CHD5: variants seen among roughly 807,000 people sequenced by gnomAD.
CHD5 encodes ATP-dependent chromatin remodeler CHD5.
In CHD5, 69 loss-of-function variants were observed where a neutral mutation model predicts 230.3. The observed-to-expected ratio is 0.30, with a 90% CI of 0.25 to 0.37. The LOEUF (loss-of-function observed/expected upper bound fraction) is 0.37, where lower values mean the gene tolerates loss of function less well. CHD5 is among the 10% of genes least tolerant of loss of function. CHD5 has a pLI of 1.00. For missense variants in CHD5, 1,827 were observed against 2,622.8 expected (o/e 0.70, Z 6.63); for synonymous variants, 1,064 against 1,065.9 (o/e 1.00, Z 0.03).
Position 6,102,612 on chromosome 1 carries a change from TGACAG to T in CHD5, c.*2857_*2861del, listed in dbSNP as rs1666084399. On this transcript the variant is annotated 3_prime_UTR_variant, in exon 42 of 42. Coordinates refer to ENST00000262450, the MANE Select transcript of CHD5 (RefSeq NM_015557.3). ...TCCTTGGGCCTCAAGTGTCCTGGGA[TGACAG>T]GAGTGAGGGCTGCAGGTGTCACCGG... The T allele has an allele frequency of 6.6e-6, 1 of 152,242 alleles. No homozygotes were observed. Among genetic ancestry groups the T allele is most frequent in the African/African-American group, 2.4e-5 (1 of 41,464 alleles). The allele number at this position is 152,242 out of a possible 1,614,324, so 9.4% of individuals were successfully genotyped here.
Position 6,134,334 on chromosome 1 carries a change from G to A in CHD5, c.3013-75C>T, listed in dbSNP as rs2100850714. 1 of 1,551,036 alleles carries A rather than the reference G, an allele frequency of 6.4e-7. No individual in the cohort carries two copies. Among genetic ancestry groups the A allele is most frequent in the African/African-American group, 1.4e-5 (1 of 73,722 alleles). The stretch of plus-strand genomic sequence containing the variant: ...TGACTCTGCACCAAAGGGGCCGCAG[G>A]GAACAGACAAGTGCTGAGCAATGGG... On this transcript the variant is annotated intron_variant, in intron 19 of 41. Transcript: ENST00000262450. The surrounding 1 kb of genome is among the most constrained non-coding windows in gnomAD (Gnocchi z 6.3).
chr1:6,164,632 T>C (rs1011174067), intron 2 of CHD5, among the ~76,000 whole-genome samples: 4 of 152,152 alleles, frequency 2.6e-5, no homozygotes, highest in Admixed American at 6.5e-5. Context: ...TGAAATTCCC[T>C]TGTCTTTATC....
intron 33 of CHD5, among the ~76,000 whole-genome samples, chr1:6,118,374 G>A (rs1269660228): frequency 1.0e-5 from 1 of 100,438 alleles, no homozygotes; most frequent in East Asian, 3.1e-4. Flanking sequence ...GCAAGACCCT[G>A]TCTCAAAAAA....
intron 31 of CHD5, among the ~76,000 whole-genome samples, chr1:6,122,826 T>C (rs576008399): frequency 1.1e-3 from 168 of 152,218 alleles, no homozygotes; most frequent in African/African-American, 3.5e-3. Context: ...TCCCAGCACG[T>C]TGGGAGGCCG....
At chr1:6,141,512 G>A (rs1435548328) in intron 15 of CHD5, among the ~76,000 whole-genome samples, 1 of 151,390 alleles carries the variant, frequency 6.6e-6, no homozygotes, top group African/African-American at 2.4e-5. Context: ...CTACTCACGA[G>A]GCTGAGGTGG....
intron 11 of CHD5, among the ~76,000 whole-genome samples, chr1:6,145,456 C>T (rs1364813812): frequency 2.6e-5 from 4 of 152,234 alleles, no homozygotes; most frequent in African/African-American, 9.6e-5. Context: ...GGGCCCCACC[C>T]CAAGGCCCAT....
intron 33 of CHD5, among the ~76,000 whole-genome samples, chr1:6,118,563 G>T (rs536028278): frequency 6.0e-4 from 91 of 152,252 alleles, no homozygotes; most frequent in African/African-American, 2.1e-3. Context: ...GGGCTGGGAG[G>T]AAGAGGAAGA....
At chr1:6,113,992 G>A (rs1407261335) in intron 33 of CHD5, among the ~76,000 whole-genome samples, 2 of 152,226 alleles carry the variant, frequency 1.3e-5, no homozygotes, top group Non-Finnish European at 2.9e-5. Flanking sequence ...GCTCACGCCT[G>A]TAATCCTAGC....
chr1:6,168,738 G>A (rs1667291282), intron 1 of CHD5, among the ~76,000 whole-genome samples: 1 of 152,178 alleles, frequency 6.6e-6, no homozygotes, highest in African/African-American at 2.4e-5. Flanking sequence ...TGCTGGACCT[G>A]CCAGGCACAG....
At position 6,131,484 on chromosome 1, in the gene CHD5, A is replaced by G. The variant is rs1666657037; in HGVS notation, c.3262+147T>C. 3.6e-6 allele frequency: 2 copies of G among 554,720 alleles called. No individual in the cohort carries two copies. The highest frequency in any genetic ancestry group is 3.0e-5 in the Admixed American group (1 of 33,702). The allele number at this position is 554,720 out of a possible 1,614,324, so 34.4% of individuals were successfully genotyped here. A position where few individuals can be genotyped will look rare whatever the true frequency, so the allele number is the denominator to read the frequency against. ...ATTCCATGGGAGGAATCCTTTTAAC[A>G]TTGGAAACTCGGACTGGCCTGCTGT... On this transcript the variant is annotated intron_variant, in intron 21 of 41. Coordinates refer to ENST00000262450, the MANE Select transcript of CHD5 (RefSeq NM_015557.3). This position sits in a 1 kb window ranked among gnomAD's most constrained non-coding sequence, Gnocchi z 5.0.
At chr1:6,144,538 C>G (rs1259686426) in intron 11 of CHD5, among the ~76,000 whole-genome samples, 3 of 152,368 alleles carry the variant, frequency 2.0e-5, no homozygotes, top group African/African-American at 7.2e-5. Flanking sequence ...ACTCAGTTTT[C>G]TAACTTAAAA....
chr1:6,140,100 G>C (rs1666804818), intron 15 of CHD5, among the ~76,000 whole-genome samples: 2 of 152,182 alleles, frequency 1.3e-5, no homozygotes, highest in South Asian at 2.1e-4. Flanking sequence ...TGTGGAGAGG[G>C]TTTAGAAATG....
intron 15 of CHD5, among the ~76,000 whole-genome samples, chr1:6,139,591 G>A (rs1048490844): frequency 6.7e-6 from 1 of 150,258 alleles, no homozygotes; most frequent in Non-Finnish European, 1.5e-5. Context: ...CCAGGCAAGA[G>A]TACAACAGCT....
In CHD5 at chr1:6,104,279, G is replaced by C. The variant is rs969829157; in HGVS notation, c.*1195C>G. 1 of 152,292 alleles carries C rather than the reference G, an allele frequency of 6.6e-6. No individual in the cohort carries two copies. The highest frequency in any genetic ancestry group is 1.5e-5 in the Non-Finnish European group (1 of 68,100). 9.4% of individuals were successfully genotyped at this position (152,292 alleles called of 1,614,324 possible). A position where few individuals can be genotyped will look rare whatever the true frequency, so the allele number is the denominator to read the frequency against. On this transcript the variant is annotated 3_prime_UTR_variant, in exon 42 of 42. Coordinates refer to ENST00000262450, the MANE Select transcript of CHD5 (RefSeq NM_015557.3). ...CAGGAAACAAGGCAGCAAGCCCTTGGTGCTGCGGCTGGGAGGGGTCTGCAG... is the reference window on the plus strand; with the variant it reads ...CAGGAAACAAGGCAGCAAGCCCTTGCTGCTGCGGCTGGGAGGGGTCTGCAG...
At chr1:6,163,733 A>G (rs1667211725) in intron 2 of CHD5, among the ~76,000 whole-genome samples, 1 of 152,166 alleles carries the variant, frequency 6.6e-6, no homozygotes, top group Non-Finnish European at 1.5e-5. Context: ...CGTGCAGGGG[A>G]GGAGACAGAG....
intron 1 of CHD5, among the ~76,000 whole-genome samples, chr1:6,179,127 G>A (rs997770594): frequency 6.6e-6 from 1 of 152,232 alleles, no homozygotes; most frequent in African/African-American, 2.4e-5. Flanking sequence ...ACAGCCCTGT[G>A]TATACTAAAT....
In CHD5 at chr1:6,180,063, C is replaced by T. The variant is rs781200233; in HGVS notation, c.-40G>A. On this transcript the variant is annotated 5_prime_UTR_variant, in exon 1 of 42. Coordinates refer to ENST00000262450, the MANE Select transcript of CHD5 (RefSeq NM_015557.3). ...GGAGGGGAGGTGGGCGCCCCCCCTC[C>T]CGCCGGGCGCGGTGCCAGCCTTAAC... The T allele has an allele frequency of 8.6e-6, 10 of 1,158,740 alleles. No homozygotes were observed. In the South Asian group the frequency reaches 1.9e-4, roughly 22 times the overall value. The allele number at this position is 1,158,740 out of a possible 1,614,324, so 71.8% of individuals were successfully genotyped here. A position where few individuals can be genotyped will look rare whatever the true frequency, so the allele number is the denominator to read the frequency against.
At position 6,154,776 on chromosome 1, in the gene CHD5, G is replaced by A. The variant is rs1449629415; in HGVS notation, c.629C>T (p.Ala210Val). The A allele has an allele frequency of 1.2e-5, 20 of 1,612,976 alleles. No individual in the cohort carries two copies. The highest frequency in any genetic ancestry group is 5.0e-5 in the Admixed American group (3 of 59,964). The change falls in exon 5 of 42, where the codon GCG becomes GTG. Residue 210 changes from alanine (A) to valine (V), a missense_variant. By Grantham distance (64) the Ala-to-Val change is moderately conservative. Around this residue, in one of 14 missense-constraint regions of CHD5, gnomAD observed 657 missense variants for 816.4 expected, o/e 0.80. Transcript: ENST00000262450. This position sits in a 1 kb window ranked among gnomAD's most constrained non-coding sequence, Gnocchi z 7.0. ...PFKGSSAAAA[A>V]AAVAAAVETV... ...CTCTACAGCCGCAGCCACCGCCGCCGCCGCTGCTGCCGCGGAGCTGCCCTT... is the reference window on the plus strand; with the variant it reads ...CTCTACAGCCGCAGCCACCGCCGCCACCGCTGCTGCCGCGGAGCTGCCCTT...
intron 1 of CHD5, among the ~76,000 whole-genome samples, chr1:6,176,533 C>T (rs2100890829): frequency 6.6e-6 from 1 of 152,310 alleles, no homozygotes; most frequent in African/African-American, 2.4e-5. Context: ...TCACAGCCCT[C>T]CTCCCACCCA....
Sources: gnomAD v4.1 joint callset for allele counts (sites outside exome capture counted in the v4.1 genomes callset) on GRCh38, gnomAD v4.1.1 for gene constraint, gnomAD v4.1.1 regional missense constraint, Gnocchi (gnomAD v3.1) non-coding constraint, MANE v1.5 for transcripts, NCBI Gene and HGNC (gene_info 2026-07-23, HGNC 2026-07-21) for gene names.